PID1: variants seen among roughly 807,000 people sequenced by gnomAD.
PID1 encodes phosphotyrosine interaction domain containing 1.
In PID1, 10 loss-of-function variants were observed where a neutral mutation model predicts 19.1. The observed-to-expected ratio is 0.52, with a 90% CI of 0.32 to 0.89. The LOEUF is 0.89. PID1 is among the 40% of genes least tolerant of loss of function. The probability of loss-of-function intolerance (pLI) is 0.03; values close to 1 mark genes in which losing one functional copy is unlikely to be tolerated. For synonymous variants in PID1, 130 were observed against 116.0 expected (o/e 1.12, Z -0.78); for missense variants, 248 against 285.3 (o/e 0.87, Z 0.94).
At chr2:229,062,930 C>T (rs10179346) in intron 2 of PID1, among the ~76,000 whole-genome samples, 10,619 of 151,932 alleles carry the variant, frequency 0.07, 1,247 homozygotes, top group African/African-American at 0.24. Flanking sequence ...CATAGTAGTA[C>T]TTTATGATCC....
chr2:229,079,604 G>A (rs1438931929), intron 2 of PID1, among the ~76,000 whole-genome samples: 1 of 152,182 alleles, frequency 6.6e-6, no homozygotes, highest in African/African-American at 2.4e-5. Context: ...GACGTGCCAG[G>A]GAAGTGAAGT....
intron 2 of PID1, among the ~76,000 whole-genome samples, chr2:229,124,904 T>C (rs1020693975): frequency 6.6e-6 from 1 of 152,200 alleles, no homozygotes; most frequent in Non-Finnish European, 1.5e-5. Flanking sequence ...GAGCTACAAT[T>C]CTAAAACTGT....
intron 2 of PID1, among the ~76,000 whole-genome samples, chr2:229,052,549 T>C (rs1574587803): frequency 2.8e-5 from 1 of 35,154 alleles, no homozygotes; most frequent in African/African-American, 2.2e-4. Context: ...CTTAGAGAGC[T>C]TTTTTTTTTC....
chr2:229,139,926 G>T (rs1486706978), intron 2 of PID1, among the ~76,000 whole-genome samples: 1 of 152,012 alleles, frequency 6.6e-6, no homozygotes, highest in Non-Finnish European at 1.5e-5. Context: ...CTCCACATGG[G>T]GGCCAAGAGA....
chr2:229,227,797 G>A (rs374298726), intron 1 of PID1, among the ~76,000 whole-genome samples: 1 of 152,234 alleles, frequency 6.6e-6, no homozygotes, highest in African/African-American at 2.4e-5. Context: ...TACTGAACAG[G>A]TACAGACTTT....
intron 1 of PID1, among the ~76,000 whole-genome samples, chr2:229,176,979 T>C (rs914874460): frequency 1.2e-4 from 19 of 152,224 alleles, no homozygotes; most frequent in Admixed American, 3.3e-4. Context: ...AGAGGTTTAA[T>C]GAACTCACAG....
At chr2:229,185,069 T>TATATATCCTAA (rs75302836) in intron 1 of PID1, among the ~76,000 whole-genome samples, 1 of 139,800 alleles carries the variant, frequency 7.2e-6, no homozygotes, top group Admixed American at 7.5e-5. Flanking sequence ...ATCCTCCATA[T>TATATATCCTAA]ATATATATCC....
At chr2:229,206,228 A>G (rs567800402) in intron 1 of PID1, among the ~76,000 whole-genome samples, 1 of 152,154 alleles carries the variant, frequency 6.6e-6, no homozygotes, top group South Asian at 2.1e-4. Context: ...TGCTTAAGGA[A>G]AAAACAAACA....
intron 1 of PID1, among the ~76,000 whole-genome samples, chr2:229,247,052 A>G (rs113915449): frequency 3.9e-5 from 6 of 152,304 alleles, no homozygotes; most frequent in African/African-American, 1.4e-4. Flanking sequence ...ATATAAATAA[A>G]ACCAGAAAAC....
intron 1 of PID1, among the ~76,000 whole-genome samples, chr2:229,258,928 T>G (rs1005489027): frequency 2.0e-5 from 3 of 151,556 alleles, no homozygotes; most frequent in Non-Finnish European, 2.9e-5. Context: ...CCCAATCCCC[T>G]TTCAGGCCCC....
At position 229,231,568 on chromosome 2, in the gene PID1, G is replaced by A. The variant is rs183716482; in HGVS notation, c.30+39446C>T. Among the ~76,000 whole-genome samples the A allele has an allele frequency of 1.8e-4, 28 of 152,222 alleles. No individual in the cohort carries two copies. The East Asian group carries it at 4.3e-3, about 23-fold the overall frequency. ...CCATTTTACAAGTGACGACGATAGAGCCCAGGCACTCTGAGACATCTGTCC... is the reference window on the plus strand; with the variant it reads ...CCATTTTACAAGTGACGACGATAGAACCCAGGCACTCTGAGACATCTGTCC... On this transcript the variant is annotated intron_variant, in intron 1 of 2. Transcript: ENST00000392055.
At chr2:229,124,343 G>A (rs1695580791) in intron 2 of PID1, among the ~76,000 whole-genome samples, 1 of 151,966 alleles carries the variant, frequency 6.6e-6, no homozygotes, top group Admixed American at 6.6e-5. Context: ...TTGCTGTGTT[G>A]TCTCTTCCAA....
At chr2:229,134,240 T>C (rs1050933378) in intron 2 of PID1, among the ~76,000 whole-genome samples, 1 of 146,012 alleles carries the variant, frequency 6.8e-6, no homozygotes, top group Non-Finnish European at 1.5e-5. Flanking sequence ...TGTTTTTTTT[T>C]TTTTTTTTTT....
intron 2 of PID1, among the ~76,000 whole-genome samples, chr2:229,038,273 C>G (rs1651146404): frequency 6.6e-6 from 1 of 152,158 alleles, no homozygotes; most frequent in Admixed American, 6.5e-5. Context: ...TAGCCAAAAA[C>G]TAGCAGTCCA....
At chr2:229,255,335 T>C (rs182032517) in intron 1 of PID1, among the ~76,000 whole-genome samples, 3 of 152,332 alleles carry the variant, frequency 2.0e-5, no homozygotes, top group African/African-American at 7.2e-5. Context: ...GTTAAGCAGA[T>C]GGGTTCCACA....
chr2:229,139,751 A>T (rs527708622), intron 2 of PID1, among the ~76,000 whole-genome samples: 1 of 152,298 alleles, frequency 6.6e-6, no homozygotes, highest in East Asian at 1.9e-4. Flanking sequence ...ACATCCACAC[A>T]AATGATGATG....
chr2:229,243,131 G>A (rs1689917729), intron 1 of PID1, among the ~76,000 whole-genome samples: 1 of 152,158 alleles, frequency 6.6e-6, no homozygotes, highest in Admixed American at 6.5e-5. Context: ...GGAGAAGCAA[G>A]TCACATCTTA....
At chr2:229,148,178 G>A (rs7561332) in intron 2 of PID1, among the ~76,000 whole-genome samples, 21,571 of 152,120 alleles carry the variant, frequency 0.14, 1,873 homozygotes, top group East Asian at 0.29. Context: ...AGGTCACAAA[G>A]GATAAAGAGC....
intron 1 of PID1, among the ~76,000 whole-genome samples, chr2:229,168,314 T>G (rs1316145209): frequency 6.6e-6 from 1 of 152,184 alleles, no homozygotes; most frequent in African/African-American, 2.4e-5. Context: ...GACCATTTTA[T>G]AGTATCCCAC....
Sources: gnomAD v4.1 joint callset for allele counts (sites outside exome capture counted in the v4.1 genomes callset) on GRCh38, gnomAD v4.1.1 for gene constraint, MANE v1.5 for transcripts, NCBI Gene and HGNC (gene_info 2026-07-23, HGNC 2026-07-21) for gene names.